The following CNOT10 variants were observed in gnomAD, a reference collection of about 807,000 sequenced individuals.
CNOT10 encodes the protein CCR4-NOT transcription complex, subunit 10.
A neutral mutation model predicts 94.6 loss-of-function variants in CNOT10; 30 were observed. The observed-to-expected ratio is 0.32, with a 90% confidence interval of 0.24 to 0.43. CNOT10 has a LOEUF of 0.43. CNOT10 is among the 20% of genes least tolerant of loss of function. The pLI, the probability that CNOT10 is intolerant of heterozygous loss-of-function variation, is 1.00. For missense variants in CNOT10, 759 were observed against 877.2 expected, an observed-to-expected ratio of 0.87 and a Z score of 1.70; for synonymous variants, 289 against 301.6, an observed-to-expected ratio of 0.96 and a Z score of 0.43.
intron 12 of CNOT10, 128 bp downstream of exon 12, chr3:32,735,104 A>G: frequency 1.3e-6 from 1 of 763,718 alleles, no homozygotes. Context: ...GCGTAACAAG[A>G]AAGGAAAGTA....
At chr3:32,758,882 T>G (rs1326405718) in intron 13 of CNOT10, among the ~76,000 whole-genome samples, 1 of 152,176 alleles carries the variant, frequency 6.6e-6, no homozygotes, top group Non-Finnish European at 1.5e-5. Context: ...CAGTATTCCT[T>G]TAGAAGAATA....
At position 32,755,324 on chromosome 3, in the gene CNOT10, T is replaced by TC. The variant is rs1463667862; in HGVS notation, c.1596-4134_1596-4133insC. On this transcript the variant is annotated intron_variant, in intron 13 of 18. Transcript: ENST00000328834. ...TCTTTTTTCTTTTTCTTTTTCTTTT[T>TC]TTTTTTTTTTTGAGACAGAGTTTCG... Among the ~76,000 whole-genome samples the TC allele has an allele frequency of 3.9e-4, 58 of 147,442 alleles. 1 individual carries two copies. The Middle Eastern group carries it at 0.01, about 26-fold the overall frequency.
chr3:32,704,593 G>T (rs1203635576), intron 2 of CNOT10, among the ~76,000 whole-genome samples: 4 of 152,076 alleles, frequency 2.6e-5, no homozygotes, highest in Admixed American at 1.3e-4. Context: ...TGTCTTATAT[G>T]TGTCAATGTC....
chr3:32,697,809 CA>C (rs1254004577), intron 1 of CNOT10, among the ~76,000 whole-genome samples: 3 of 152,156 alleles, frequency 2.0e-5, no homozygotes, highest in Non-Finnish European at 4.4e-5. Flanking sequence ...AGAGAAAACT[CA>C]ATAGCAAACT....
intron 13 of CNOT10, among the ~76,000 whole-genome samples, chr3:32,749,445 T>A (rs539309089): frequency 2.0e-5 from 3 of 149,816 alleles, no homozygotes; most frequent in Non-Finnish European, 4.4e-5. Context: ...GTTTTGCTCT[T>A]ATTGCCCAGG....
Position 32,720,163 on chromosome 3 carries a change from A to C in CNOT10, c.794A>C (p.Asn265Thr). The C allele has an allele frequency of 6.4e-7, 1 of 1,558,916 alleles. No individual in the cohort carries two copies. Among genetic ancestry groups the C allele is most frequent in the Non-Finnish European group, 8.8e-7 (1 of 1,140,308 alleles). Reference protein sequence around the residue: ...LKSNFEYLRGNYRKAVKLLNS... With the variant: ...LKSNFEYLRGTYRKAVKLLNS... ...AGCAATTTTGAGTACTTAAGAGGTA[A>C]TTATCGAAAAGCCGTGAAGCTATTA... The change falls in exon 8 of 19, where the codon AAT (asparagine) becomes ACT (threonine). Residue 265 changes from asparagine to threonine, a missense_variant. Physicochemically the swap from Asn to Thr is moderately conservative, Grantham distance 65. Transcript: ENST00000328834.
rs1401577728 is a variant in CNOT10 at position 32,773,585 on chromosome 3, G to C, written c.2209G>C (p.Ala737Pro). The C allele has an allele frequency of 1.2e-6, 2 of 1,613,872 alleles. No individual in the cohort carries two copies. Among genetic ancestry groups the C allele is most frequent in the Non-Finnish European group, 1.7e-6 (2 of 1,179,928 alleles). ...VHPIQPIQMPAFTTVQRK is the reference protein window; with the variant it reads ...VHPIQPIQMPPFTTVQRK ...CCCGATCCAGCCCATCCAAATGCCG[G>C]CTTTCACCACTGTGCAGAGAAAGTG... Residue 737 changes from alanine (A) to proline (P), a missense_variant, in exon 19 of 19, where the codon GCT (alanine) becomes CCT (proline). Transcript: ENST00000328834.
chr3:32,732,133 G>A (rs997188219), intron 10 of CNOT10, among the ~76,000 whole-genome samples: 1 of 152,046 alleles, frequency 6.6e-6, no homozygotes, highest in African/African-American at 2.4e-5. Context: ...GCTCACACCT[G>A]TAATCTCAGT....
At chr3:32,749,023 T>C (rs1171673672) in intron 13 of CNOT10, among the ~76,000 whole-genome samples, 1 of 152,092 alleles carries the variant, frequency 6.6e-6, no homozygotes, top group East Asian at 1.9e-4. Context: ...GGTTTCACCA[T>C]CTTGGCCAGG....
chr3:32,769,854 T>A (rs1196689038), intron 17 of CNOT10, 33 bp from the exon 18 acceptor site: 1 of 1,587,026 alleles, frequency 6.3e-7, no homozygotes, highest in South Asian at 1.1e-5. Flanking sequence ...AAGCTTTTGT[T>A]TTTTCACGGG....
chr3:32,742,223 C>G (rs1699503526), intron 13 of CNOT10, among the ~76,000 whole-genome samples: 1 of 152,030 alleles, frequency 6.6e-6, no homozygotes, highest in Non-Finnish European at 1.5e-5. Context: ...GCTGGGATTA[C>G]AGGCATCCCA....
At chr3:32,726,126 G>C (rs1484078202) in intron 9 of CNOT10, among the ~76,000 whole-genome samples, 1 of 151,932 alleles carries the variant, frequency 6.6e-6, no homozygotes, top group African/African-American at 2.4e-5. Flanking sequence ...TGTGTTTTTT[G>C]TAAAGATAGG....
chr3:32,755,301 TTTTTTC>T (rs1288969587), intron 13 of CNOT10, among the ~76,000 whole-genome samples: 26 of 149,530 alleles, frequency 1.7e-4, no homozygotes, highest in Middle Eastern at 3.5e-3. Context: ...TTTTATTTTC[TTTTTTC>T]TTTTTCTTTT....
chr3:32,709,952 G>A (rs1207377122), intron 4 of CNOT10, among the ~76,000 whole-genome samples: 1 of 152,074 alleles, frequency 6.6e-6, no homozygotes, highest in African/African-American at 2.4e-5. Context: ...TTGGAGACCA[G>A]CCTGATCAAC....
Position 32,764,824 on chromosome 3 carries a change from G to A in CNOT10, c.2004+15G>A. 1.2e-6 allele frequency: 2 copies of A among 1,612,620 alleles called. No individual in the cohort carries two copies. Among genetic ancestry groups the A allele is most frequent in the Non-Finnish European group, 1.7e-6 (2 of 1,179,654 alleles). ...GTCTCCACCAGGTGAGTCCAGAGTG[G>A]GAGGAACTGAACCTTGTAAAGCAGC... On this transcript the variant is annotated intron_variant, in intron 17 of 18. Coordinates refer to ENST00000328834, the MANE Select transcript of CNOT10 (RefSeq NM_015442.3).
chr3:32,715,951 A>G (rs543706448), intron 5 of CNOT10: 126 of 253,146 alleles, frequency 5.0e-4, no homozygotes, highest in African/African-American at 2.6e-3. Flanking sequence ...GACTACAGGT[A>G]CATGGCCACC....
intron 17 of CNOT10, among the ~76,000 whole-genome samples, chr3:32,768,217 C>T (rs1294118464): frequency 6.6e-6 from 1 of 152,056 alleles, no homozygotes; most frequent in East Asian, 1.9e-4. Context: ...AAGCTTCAGA[C>T]TGTGGTCATT....
At position 32,759,299 on chromosome 3, in the gene CNOT10, A is replaced by G. The variant is rs147062872; in HGVS notation, c.1596-159A>G. 6.7e-3 allele frequency among the ~76,000 whole-genome samples: 1,015 copies of G among 152,318 alleles called. 5 individuals are homozygous for G. Among genetic ancestry groups the G allele is most frequent in the Non-Finnish European group, 7.3e-3 (498 of 68,020 alleles). On this transcript the variant is annotated intron_variant, in intron 13 of 18. Coordinates refer to ENST00000328834, the MANE Select transcript of CNOT10 (RefSeq NM_015442.3). The stretch of plus-strand genomic sequence containing the variant: ...CCAAACTGTGTTTCAGAATTGTTTT[A>G]TACATCAATCTAATTCTTACCATTA...
At chr3:32,740,402 G>A (rs1415054554) in intron 13 of CNOT10, among the ~76,000 whole-genome samples, 1 of 152,064 alleles carries the variant, frequency 6.6e-6, no homozygotes, top group East Asian at 1.9e-4. Context: ...GAGGGAGGTT[G>A]CAGTGAGCCA....
Sources: gnomAD v4.1 joint callset for allele counts (sites outside exome capture counted in the v4.1 genomes callset) on GRCh38, gnomAD v4.1.1 for gene constraint, MANE v1.5 for transcripts, NCBI Gene and HGNC (gene_info 2026-07-23, HGNC 2026-07-21) for gene names.